Variants in ADAMTSL1 observed in about 807,000 individuals in gnomAD.
ADAMTSL1 encodes ADAMTS-like protein 1.
A neutral mutation model predicts 201.8 loss-of-function variants in ADAMTSL1; 126 were observed. The ratio of observed to expected loss-of-function variants is 0.62; its 90% CI spans 0.54 to 0.72. The LOEUF is 0.72. ADAMTSL1 is among the 30% of genes least tolerant of loss of function. ADAMTSL1 has a pLI of 0.00. For missense variants in ADAMTSL1, 2,679 were observed against 2,277.8 expected (o/e 1.18, Z -3.59); for synonymous variants, 1,121 against 903.4 (o/e 1.24, Z -4.32).
rs577169762 is a variant in ADAMTSL1, at chr9:18,892,679, T to C, written c.4851+83T>C. 7.2e-5 allele frequency: 102 copies of C among 1,421,158 alleles called. 1 individual carries two copies. The highest frequency in any genetic ancestry group is 9.4e-5 in the Non-Finnish European group (99 of 1,053,144). 88.0% of individuals were successfully genotyped at this position (1,421,158 alleles called of 1,614,324 possible). On this transcript the variant is annotated intron_variant, in intron 26 of 28. Transcript: ENST00000380548. ...ACAGTAGGAAGTGAAATGCTATCAC[T>C]GCCACTGCCACCTCCTCCTTTCACA...
intron 1 of ADAMTSL1, among the ~76,000 whole-genome samples, chr9:18,125,503 T>C (rs1488908052): frequency 2.6e-5 from 4 of 152,182 alleles, no homozygotes; most frequent in African/African-American, 9.6e-5. Context: ...CATTACCTAA[T>C]CCAAGGTCAT....
rs571638040 is a variant in ADAMTSL1 at position 17,956,183 on chromosome 9, T to C, written c.87+49261T>C. Among the ~76,000 whole-genome samples, 5 of 152,292 alleles carry C rather than the reference T, an allele frequency of 3.3e-5. No individual in the cohort carries two copies. The East Asian group carries it at 9.7e-4, about 29-fold the overall frequency. On this transcript the variant is annotated intron_variant, in intron 1 of 29. Coordinates refer to the ADAMTSL1 transcript ENST00000680146. ...ATAAATACATCTTACCTTGTAGTGC[T>C]TTTTGAAGTGGCTGTAAGACCTTCT...
intron 2 of ADAMTSL1, among the ~76,000 whole-genome samples, chr9:18,519,276 C>T (rs1382042789): frequency 1.3e-5 from 2 of 152,178 alleles, no homozygotes; most frequent in African/African-American, 4.8e-5. Context: ...TTGCCTTGCA[C>T]AGAGTAGGTA....
At chr9:18,646,510 G>A (rs1373593313) in intron 7 of ADAMTSL1, among the ~76,000 whole-genome samples, 1 of 150,078 alleles carries the variant, frequency 6.7e-6, no homozygotes, top group Non-Finnish European at 1.5e-5. Flanking sequence ...CATTCAGTAT[G>A]ATATTGGCTG....
At chr9:18,905,238 A>T (rs1830235143) in intron 26 of ADAMTSL1, among the ~76,000 whole-genome samples, 1 of 152,194 alleles carries the variant, frequency 6.6e-6, no homozygotes, top group South Asian at 2.1e-4. Context: ...GGAAAGTTTA[A>T]CAATCTCCAT....
At chr9:18,412,899 G>T (rs944797867) in intron 2 of ADAMTSL1, among the ~76,000 whole-genome samples, 3 of 152,014 alleles carry the variant, frequency 2.0e-5, no homozygotes, top group Non-Finnish European at 2.9e-5. Context: ...CTTTAAATAG[G>T]TATGATTTGC....
chr9:18,239,631 C>T (rs1297375531), intron 2 of ADAMTSL1, among the ~76,000 whole-genome samples: 1 of 152,016 alleles, frequency 6.6e-6, no homozygotes, highest in African/African-American at 2.4e-5. Context: ...GTCTGTAATC[C>T]TAGCTACTCG....
In ADAMTSL1 at chr9:18,841,788, T is replaced by G. The variant is rs1394505353; in HGVS notation, c.4249+11811T>G. ...TGGGAGGGTGTATGTGTCGAGGAAT[T>G]TATCCATTTCTTCTAGATTTTCTAG... On this transcript the variant is annotated intron_variant, in intron 23 of 28. Coordinates refer to ENST00000380548, the MANE Select transcript of ADAMTSL1 (RefSeq NM_001040272.6). Among the ~76,000 whole-genome samples the G allele has an allele frequency of 5.6e-4, 86 of 152,336 alleles. 1 individual carries two copies. In the South Asian group the frequency reaches 0.016, roughly 29 times the overall value.
intron 2 of ADAMTSL1, among the ~76,000 whole-genome samples, chr9:18,391,256 G>A (rs192779540): frequency 6.6e-6 from 1 of 152,046 alleles, no homozygotes; most frequent in African/African-American, 2.4e-5. Flanking sequence ...TACTTTCTTG[G>A]CCTTTTCAAG....
intron 2 of ADAMTSL1, among the ~76,000 whole-genome samples, chr9:18,425,832 G>T (rs932179814): frequency 2.8e-5 from 4 of 142,708 alleles, no homozygotes; most frequent in African/African-American, 7.7e-5. Context: ...CTCCAGCTTG[G>T]GTAACACAGT....
intron 23 of ADAMTSL1, among the ~76,000 whole-genome samples, chr9:18,842,576 C>G (rs1336243179): frequency 1.3e-5 from 2 of 152,140 alleles, no homozygotes; most frequent in African/African-American, 4.8e-5. Flanking sequence ...GAGCTGAGTT[C>G]AATTCCTGGG....
Position 18,506,296 on chromosome 9 carries a change from T to A in ADAMTSL1, c.191+1340T>A, listed in dbSNP as rs139347268. Among the ~76,000 whole-genome samples, 291 of 152,358 alleles carry A rather than the reference T, an allele frequency of 1.9e-3. 4 individuals carry two copies. The highest frequency in any genetic ancestry group is 6.7e-3 in the African/African-American group (279 of 41,580). ...AATGTATGCTGCCACACGGTGATAA[T>A]GTAACTGATAATATTCATACATCAG... On this transcript the variant is annotated intron_variant, in intron 2 of 28. Transcript: ENST00000380548.
chr9:18,707,118 G>A (rs1315400494), intron 14 of ADAMTSL1, 70 bp downstream of exon 14: 5 of 1,526,620 alleles, frequency 3.3e-6, no homozygotes, highest in South Asian at 1.3e-5. Flanking sequence ...CATGCAGCTG[G>A]ATCATGTGAC....
chr9:18,622,190 A>T, intron 4 of ADAMTSL1, 53 bp from the exon 5 acceptor site: 1 of 1,592,760 alleles, frequency 6.3e-7, no homozygotes, highest in Non-Finnish European at 8.6e-7. Context: ...CTCATAATGG[A>T]TTTTGCCATC....
intron 1 of ADAMTSL1, among the ~76,000 whole-genome samples, chr9:18,055,286 A>C (rs1822129402): frequency 6.6e-6 from 1 of 152,192 alleles, no homozygotes; most frequent in African/African-American, 2.4e-5. Flanking sequence ...TGGGCCTCAC[A>C]AACAGACTGG....
At chr9:18,554,631 C>G (rs145545038) in intron 3 of ADAMTSL1, among the ~76,000 whole-genome samples, 21 of 151,306 alleles carry the variant, frequency 1.4e-4, no homozygotes, top group Admixed American at 4.6e-4. Flanking sequence ...CTGAGATAAG[C>G]AAGTTTTCCT....
intron 2 of ADAMTSL1, among the ~76,000 whole-genome samples, chr9:18,399,468 A>C (rs1817897850): frequency 6.6e-6 from 1 of 150,700 alleles, no homozygotes; most frequent in Non-Finnish European, 1.5e-5. Context: ...CAGCCTCCCA[A>C]GTAGCTGGGA....
chr9:18,510,168 A>G (rs1185779520), intron 2 of ADAMTSL1, among the ~76,000 whole-genome samples: 3 of 152,196 alleles, frequency 2.0e-5, no homozygotes, highest in Non-Finnish European at 4.4e-5. Flanking sequence ...CAAGTCTATC[A>G]GCTAATGATT....
intron 20 of ADAMTSL1, among the ~76,000 whole-genome samples, chr9:18,812,805 G>T (rs1438541249): frequency 6.6e-6 from 1 of 152,074 alleles, no homozygotes; most frequent in Admixed American, 6.6e-5. Flanking sequence ...TGGCACTTTT[G>T]TTGAAAATGA....
Sources: allele counts gnomAD v4.1 joint callset (sites outside exome capture counted in the v4.1 genomes callset), GRCh38; gene constraint gnomAD v4.1.1; transcripts MANE v1.5; gene names NCBI Gene and HGNC (gene_info 2026-07-23, HGNC 2026-07-21).